The following TMEM132D variants were observed in gnomAD, a reference collection of about 807,000 sequenced individuals.
TMEM132D encodes the protein mature OL transmembrane protein.
A neutral mutation model predicts 62.3 loss-of-function variants in TMEM132D; 21 were observed. That is an observed-to-expected ratio of 0.34 (90% CI 0.24 to 0.49). The LOEUF (loss-of-function observed/expected upper bound fraction) is 0.49. Among genes scored for constraint, TMEM132D ranks in the 20% least tolerant of loss-of-function variants. The pLI is 0.99. For synonymous variants in TMEM132D, 621 were observed against 575.6 expected (o/e 1.08, Z -1.13); for missense variants, 1,346 against 1,402.8 (o/e 0.96, Z 0.65).
chr12:129,672,388 C>T (rs1429781998), intron 2 of TMEM132D, among the ~76,000 whole-genome samples: 1 of 152,220 alleles, frequency 6.6e-6, no homozygotes, highest in Non-Finnish European at 1.5e-5. Context: ...ACCTTTCCCA[C>T]GGAAGGCTCC....
At chr12:129,351,416 C>T (rs907023350) in intron 3 of TMEM132D, among the ~76,000 whole-genome samples, 4 of 152,202 alleles carry the variant, frequency 2.6e-5, no homozygotes, top group African/African-American at 7.2e-5. Flanking sequence ...CAATAATACA[C>T]GCCCTGGCCG....
intron 3 of TMEM132D, among the ~76,000 whole-genome samples, chr12:129,524,920 C>CTCT (rs1875968778): frequency 8.7e-5 from 8 of 92,170 alleles, no homozygotes; most frequent in Non-Finnish European, 1.4e-4. Flanking sequence ...ATATTTTTTT[C>CTCT]TTTTTTCTTT....
At chr12:129,424,520 G>A (rs111289131) in intron 3 of TMEM132D, among the ~76,000 whole-genome samples, 4,183 of 152,040 alleles carry the variant, frequency 0.028, 78 homozygotes, top group Non-Finnish European at 0.042. Context: ...CCAACATGGT[G>A]AAACCCCGTC....
chr12:129,870,816 G>GT (rs1874215659), intron 1 of TMEM132D, among the ~76,000 whole-genome samples: 1 of 152,090 alleles, frequency 6.6e-6, no homozygotes, highest in African/African-American at 2.4e-5. Flanking sequence ...GGAATCAATG[G>GT]ACAAAGCCCC....
chr12:129,368,873 T>A (rs1870509529), intron 3 of TMEM132D, among the ~76,000 whole-genome samples: 1 of 152,192 alleles, frequency 6.6e-6, no homozygotes. Flanking sequence ...AAACAAGTTC[T>A]TTGCCTGATA....
At position 129,903,363 on chromosome 12, in the gene TMEM132D, C is replaced by A. The variant is rs1209608286; in HGVS notation, c.-24G>T. The A allele has an allele frequency of 1.3e-6, 2 of 1,550,370 alleles. No homozygotes were observed. The highest frequency in any genetic ancestry group is 2.0e-5 in the Admixed American group (1 of 51,008). On this transcript the variant is annotated 5_prime_UTR_variant, in exon 1 of 9. The change creates a new upstream start codon in the 5' untranslated region. Transcript: ENST00000422113. This position sits in a 1 kb window ranked among gnomAD's most constrained non-coding sequence, Gnocchi z 6.2. ...ATCCTGGAGACCCGGAGCGCAGATC[C>A]TCCGCTCCCCGGCGCCGTCCAGGCG...
chr12:129,330,070 C>G (rs987710314), intron 4 of TMEM132D, among the ~76,000 whole-genome samples: 1 of 151,992 alleles, frequency 6.6e-6, no homozygotes, highest in African/African-American at 2.4e-5. Flanking sequence ...ATGCCTTAAT[C>G]GAGAAGATTT....
intron 4 of TMEM132D, among the ~76,000 whole-genome samples, chr12:129,258,290 A>G (rs1327684086): frequency 6.6e-6 from 1 of 152,160 alleles, no homozygotes; most frequent in African/African-American, 2.4e-5. Context: ...TATAAGGCAT[A>G]GAACATGCTA....
chr12:129,212,936 G>T (rs1226798939), intron 4 of TMEM132D, among the ~76,000 whole-genome samples: 1 of 152,204 alleles, frequency 6.6e-6, no homozygotes, highest in African/African-American at 2.4e-5. Flanking sequence ...TCTTGCTAGA[G>T]AAATAATGAC....
chr12:129,327,847 A>G (rs542086823), intron 4 of TMEM132D, among the ~76,000 whole-genome samples: 1 of 152,352 alleles, frequency 6.6e-6, no homozygotes, highest in Admixed American at 6.5e-5. Flanking sequence ...TGATCATATC[A>G]GATATAAACA....
intron 3 of TMEM132D, among the ~76,000 whole-genome samples, chr12:129,483,994 G>C (rs1874506786): frequency 6.6e-6 from 1 of 151,926 alleles, no homozygotes; most frequent in South Asian, 2.1e-4. Context: ...TTTTGAGGCA[G>C]AGTCTCACTC....
chr12:129,401,707 T>G (rs1374774944), intron 3 of TMEM132D, among the ~76,000 whole-genome samples: 2 of 152,172 alleles, frequency 1.3e-5, no homozygotes, highest in African/African-American at 4.8e-5. Context: ...GTGAAGCTGC[T>G]CCTCCAAGGT....
rs1275976489 is a variant in TMEM132D, at chr12:129,700,059, A to G, written c.719T>C (p.Val240Ala). 1 of 1,613,716 alleles carries G rather than the reference A, an allele frequency of 6.2e-7. No individual in the cohort carries two copies. Among genetic ancestry groups the G allele is most frequent in the Non-Finnish European group, 8.5e-7 (1 of 1,180,010 alleles). The change falls in exon 2 of 9, where the codon GTC becomes GCC. Residue 240 changes from valine to alanine, a missense_variant. By Grantham distance (64) the Val-to-Ala change is moderately conservative (BLOSUM62 0). Coordinates refer to ENST00000422113, the MANE Select transcript of TMEM132D (RefSeq NM_133448.3). ...ATTGCTTCTCCTCGCGTCTTCCCTG[A>G]CGCAGTCCCCTCTCTCACCCCCTGG... The part of the protein sequence containing the change: ...VHPGGERGDC[V>A]REDARRSNGI...
chr12:129,896,502 A>C (rs1242403270), intron 1 of TMEM132D, among the ~76,000 whole-genome samples: 1 of 152,238 alleles, frequency 6.6e-6, no homozygotes, highest in Non-Finnish European at 1.5e-5. Flanking sequence ...GCGTCTTCCC[A>C]TCTACCAGTA....
intron 3 of TMEM132D, among the ~76,000 whole-genome samples, chr12:129,348,554 G>A (rs769715291): frequency 1.1e-4 from 16 of 152,068 alleles, no homozygotes; most frequent in South Asian, 8.3e-4. Context: ...AGGGCCTGTC[G>A]GGGGTAGTGG....
chr12:129,408,597 T>C (rs11060326), intron 3 of TMEM132D, among the ~76,000 whole-genome samples: 6,897 of 152,192 alleles, frequency 0.045, 239 homozygotes, highest in African/African-American at 0.09. Flanking sequence ...CACAAGGCAA[T>C]TTTTATATAC....
At chr12:129,756,443 T>G (rs1226972518) in intron 1 of TMEM132D, among the ~76,000 whole-genome samples, 2 of 152,216 alleles carry the variant, frequency 1.3e-5, no homozygotes, top group African/African-American at 4.8e-5. Flanking sequence ...GGACAAATAT[T>G]GTATGATTCC....
At chr12:129,121,486 T>C (rs563701901) in intron 5 of TMEM132D, among the ~76,000 whole-genome samples, 1 of 151,814 alleles carries the variant, frequency 6.6e-6, no homozygotes, top group African/African-American at 2.4e-5. Flanking sequence ...GGCAAAAGAG[T>C]CATTTGGGAA....
intron 1 of TMEM132D, among the ~76,000 whole-genome samples, chr12:129,845,697 C>T (rs1179424464): frequency 2.0e-5 from 3 of 152,148 alleles, no homozygotes; most frequent in Admixed American, 1.3e-4. Context: ...ATCAAAATGA[C>T]ACAGGGCAGA....
Sources: gnomAD v4.1 joint callset for allele counts (sites outside exome capture counted in the v4.1 genomes callset) on GRCh38, gnomAD v4.1.1 for gene constraint, Gnocchi (gnomAD v3.1) non-coding constraint, MANE v1.5 for transcripts, NCBI Gene and HGNC (gene_info 2026-07-23, HGNC 2026-07-21) for gene names.